CCDC30: variants seen among roughly 807,000 people sequenced by gnomAD.
CCDC30 encodes the protein coiled-coil domain containing 30, also known as coiled-coil domain-containing protein 30.
A neutral mutation model predicts 100.2 loss-of-function variants in CCDC30; 70 were observed. The observed-to-expected ratio is 0.70, with a 90% CI of 0.58 to 0.85. The LOEUF (loss-of-function observed/expected upper bound fraction) is 0.85. CCDC30 is among the 40% of genes least tolerant of loss of function. The pLI is 0.00. For missense variants in CCDC30, 652 were observed against 771.2 expected (o/e 0.85, Z 1.83); for synonymous variants, 233 against 269.5 (o/e 0.86, Z 1.33).
At chr1:42,566,575 AAAT>A (rs938671462) in intron 7 of CCDC30, 100 bp downstream of exon 11, 17 of 964,898 alleles carry the variant, frequency 1.8e-5, no homozygotes, top group Non-Finnish European at 2.6e-5. Flanking sequence ...TAGGATCCAC[AAAT>A]ATGTGGACAA....
Position 42,588,943 on chromosome 1 carries a change from C to CTATTGTTATTGTAACTAACA in CCDC30, c.1002-377_1002-376insATTGTTATTGTAACTAACAT, listed in dbSNP as rs758568936. Among the ~76,000 whole-genome samples, 378 of 152,184 alleles carry CTATTGTTATTGTAACTAACA rather than the reference C, an allele frequency of 2.5e-3. 1 individual carries two copies. The highest frequency in any genetic ancestry group is 3.2e-3 in the Non-Finnish European group (221 of 68,020). On this transcript the variant is annotated intron_variant, in intron 9 of 16. Transcript: ENST00000668663. The stretch of plus-strand genomic sequence containing the variant: ...TGTGTGCTTATTATTATCAATAGTG[C>CTATTGTTATTGTAACTAACA]TTGTAACTAACATTACCTTGAACCC...
chr1:42,589,176 T>C, intron 9 of CCDC30, 145 bp from the exon 14 acceptor site: 1 of 505,276 alleles, frequency 2.0e-6, no homozygotes. Context: ...AGAGGTTCCC[T>C]GTGTTGGTCC....
intron 2 of CCDC30, among the ~76,000 whole-genome samples, 168 bp downstream of exon 2, chr1:42,480,734 T>TA (rs1308760019): frequency 6.6e-6 from 1 of 152,128 alleles, no homozygotes; most frequent in African/African-American, 2.4e-5. Flanking sequence ...CTGAGTGAGG[T>TA]AAAAAAGAAA....
At chr1:42,476,488 C>T (rs77915968) in intron 1 of CCDC30, among the ~76,000 whole-genome samples, 1,532 of 152,070 alleles carry the variant, frequency 0.01, 60 homozygotes, top group East Asian at 0.09. Flanking sequence ...GTGGGGAGTT[C>T]GAGACCAGCT....
intron 10 of CCDC30, chr1:42,592,382 G>T (rs757806876): frequency 1.3e-5 from 2 of 152,126 alleles, no homozygotes; most frequent in Non-Finnish European, 2.9e-5. Context: ...TCATAATAGT[G>T]AGTGTGCTCT....
intron 6 of CCDC30, chr1:42,500,344 G>C: frequency 1.3e-6 from 2 of 1,597,978 alleles, no homozygotes; most frequent in Non-Finnish European, 1.7e-6. Flanking sequence ...AGACATAGTT[G>C]CCGAGGAAAA....
chr1:42,619,823 C>T (rs886418199), intron 11 of CCDC30, among the ~76,000 whole-genome samples: 1 of 152,192 alleles, frequency 6.6e-6, no homozygotes, highest in Non-Finnish European at 1.5e-5. Flanking sequence ...CCATGAAAGA[C>T]AACTTTTCAA....
upstream of CCDC30, among the ~76,000 whole-genome samples, chr1:42,462,931 C>G (rs556157980): frequency 2.6e-5 from 4 of 152,344 alleles, no homozygotes; most frequent in East Asian, 7.7e-4. Context: ...CTAGCACTTC[C>G]TGCCCCTTTA....
chr1:42,616,362 T>C (rs1425840945), intron 11 of CCDC30, among the ~76,000 whole-genome samples: 2 of 152,194 alleles, frequency 1.3e-5, no homozygotes, highest in African/African-American at 4.8e-5. Context: ...GGGCACAGGG[T>C]CTGTGGATCA....
At chr1:42,547,114 T>C (rs1645160357) in intron 6 of CCDC30, among the ~76,000 whole-genome samples, 1 of 152,160 alleles carries the variant, frequency 6.6e-6, no homozygotes, top group South Asian at 2.1e-4. Context: ...GATTCACAAT[T>C]ATGAAACCTA....
At chr1:42,565,677 G>A (rs982758412) in intron 6 of CCDC30, among the ~76,000 whole-genome samples, 46 of 152,172 alleles carry the variant, frequency 3.0e-4, no homozygotes, top group African/African-American at 1.0e-3. Context: ...TAGCAATTCC[G>A]CTTCCAGGTA....
At chr1:42,556,885 G>A (rs1374162732) in intron 6 of CCDC30, among the ~76,000 whole-genome samples, 1 of 152,174 alleles carries the variant, frequency 6.6e-6, no homozygotes, top group Non-Finnish European at 1.5e-5. Flanking sequence ...TCCATTTCTG[G>A]TATGTAGCTT....
intron 6 of CCDC30, among the ~76,000 whole-genome samples, chr1:42,540,986 G>T (rs892292051): frequency 6.6e-5 from 10 of 152,184 alleles, no homozygotes; most frequent in Non-Finnish European, 1.3e-4. Context: ...ATCTGCAAAA[G>T]TTCCTCAGTC....
chr1:42,552,722 G>A (rs1278514121), intron 6 of CCDC30, among the ~76,000 whole-genome samples: 1 of 152,130 alleles, frequency 6.6e-6, no homozygotes, highest in African/African-American at 2.4e-5. Context: ...CTGAGAAGGG[G>A]AGGAGTGACT....
chr1:42,480,267 T>C (rs1643936777), intron 1 of CCDC30, among the ~76,000 whole-genome samples, 194 bp from the exon 2 acceptor site: 2 of 152,190 alleles, frequency 1.3e-5, no homozygotes, highest in African/African-American at 4.8e-5. Flanking sequence ...AGGTGCTTCA[T>C]ATTTTTAGAT....
intron 12 of CCDC30, among the ~76,000 whole-genome samples, chr1:42,642,069 C>CA (rs1247891898): frequency 5.9e-5 from 9 of 151,818 alleles, no homozygotes; most frequent in Non-Finnish European, 8.8e-5. Flanking sequence ...ACTAAAAATA[C>CA]AAAAAACTTA....
chr1:42,621,023 T>C (rs1417040655), intron 11 of CCDC30, among the ~76,000 whole-genome samples: 2 of 152,156 alleles, frequency 1.3e-5, no homozygotes, highest in Admixed American at 6.5e-5. Flanking sequence ...GAGGCAAAAT[T>C]AATGTAAGTA....
chr1:42,610,841 C>T (rs1392258601), intron 10 of CCDC30, 137 bp from the exon 15 acceptor site: 4 of 523,202 alleles, frequency 7.6e-6, no homozygotes, highest in Non-Finnish European at 1.3e-5. Context: ...GTACAGGAAT[C>T]CCGTGAAGCT....
the CCDC30 span, chr1:42,457,148 G>T: frequency 1.3e-6 from 2 of 1,591,232 alleles, no homozygotes; most frequent in Non-Finnish European, 8.6e-7. Context: ...CTTACCTCCT[G>T]CTTACCCACG....
Sources: gnomAD v4.1 joint callset for allele counts (sites outside exome capture counted in the v4.1 genomes callset) on GRCh38, gnomAD v4.1.1 for gene constraint, MANE v1.5 for transcripts, NCBI Gene and HGNC (gene_info 2026-07-23, HGNC 2026-07-21) for gene names.